The following ANKRD30A variants were observed in gnomAD, a reference collection of about 807,000 sequenced individuals.
ANKRD30A encodes ankyrin repeat domain 30A.
A neutral mutation model predicts 166.3 loss-of-function variants in ANKRD30A; 170 were observed. The ratio of observed to expected loss-of-function variants is 1.02; its 90% CI spans 0.90 to 1.16. The LOEUF is 1.16. Ranked by LOEUF, ANKRD30A falls within the 50% of genes most tolerant of loss-of-function variation. ANKRD30A has a pLI of 0.00. For synonymous variants in ANKRD30A, 564 were observed against 508.9 expected, an observed-to-expected ratio of 1.11 and a Z score of -1.46; for missense variants, 1,630 against 1,518.0, an observed-to-expected ratio of 1.07 and a Z score of -1.23.
Position 37,166,343 on chromosome 10 carries a change from T to G in ANKRD30A, c.2065-262T>G, listed in dbSNP as rs549588250. ...CTTTTTGAAATATGCACGAGTGAAT[T>G]TTTTTGTGAAGGTGATTTGTTTTTC... is the stretch of plus-strand genomic sequence containing the variant. On this transcript the variant is annotated intron_variant, in intron 18 of 35. Coordinates refer to ENST00000361713, the MANE Select transcript of ANKRD30A (RefSeq NM_052997.3). 2.3e-4 allele frequency among the ~76,000 whole-genome samples: 35 copies of G among 152,336 alleles called. No individual in the cohort carries two copies. The East Asian group carries it at 6.0e-3, about 26-fold the overall frequency.
In ANKRD30A at chr10:37,193,224, C is replaced by T; in HGVS notation, c.2580C>T (p.Ala860=). 6.2e-7 allele frequency: 1 copy of T among 1,611,676 alleles called. No individual in the cohort carries two copies. Among genetic ancestry groups the T allele is most frequent in the Non-Finnish European group, 8.5e-7 (1 of 1,179,306 alleles). ...CRMKVSIPTK[A]LELMDMQTFK... ...TGAAAGTTTCTATTCCAACTAAAGC[C>T]TTAGAATTGATGGACATGCAAACTT... The change falls in exon 27 of 36, where the codon GCC becomes GCT. Residue 860 remains alanine, a synonymous_variant. Coordinates refer to ENST00000361713, the MANE Select transcript of ANKRD30A (RefSeq NM_052997.3).
At chr10:37,218,019 A>G in intron 33 of ANKRD30A, 141 bp downstream of exon 33, 3 of 529,156 alleles carry the variant, frequency 5.7e-6, no homozygotes, top group Non-Finnish European at 9.3e-6. Flanking sequence ...TCACATTTGT[A>G]GCTACAGTTA....
At chr10:37,227,519 T>C (rs914456174) in intron 34 of ANKRD30A, among the ~76,000 whole-genome samples, 16 of 152,000 alleles carry the variant, frequency 1.1e-4, no homozygotes, top group African/African-American at 3.4e-4. Flanking sequence ...CAAATCAACT[T>C]ATATGAGAAC....
At chr10:37,219,964 T>TTGGCTAAA (rs1172948471) in intron 34 of ANKRD30A, 67 bp downstream of exon 34, 2 of 1,168,570 alleles carry the variant, frequency 1.7e-6, no homozygotes, top group East Asian at 3.3e-5. Context: ...ATATTTGGCC[T>TTGGCTAAA]TGGCTAAATG....
At chr10:37,204,822 T>G (rs1414469150) in intron 31 of ANKRD30A, among the ~76,000 whole-genome samples, 1 of 152,182 alleles carries the variant, frequency 6.6e-6, no homozygotes, top group African/African-American at 2.4e-5. Flanking sequence ...AGAAGATATT[T>G]ATGCAGACAA....
intron 15 of ANKRD30A, among the ~76,000 whole-genome samples, chr10:37,159,719 T>C (rs1328388023): frequency 3.3e-5 from 5 of 152,150 alleles, no homozygotes; most frequent in East Asian, 1.9e-4. Flanking sequence ...TGTTTTGTTT[T>C]TGTTTTTTTG....
intron 34 of ANKRD30A, among the ~76,000 whole-genome samples, chr10:37,224,491 T>G (rs1268834674): frequency 6.6e-6 from 1 of 150,532 alleles, no homozygotes; most frequent in African/African-American, 2.4e-5. Flanking sequence ...TATACACATA[T>G]ATTATATGTA....
chr10:37,234,434 A>G (rs1843583914), downstream of ANKRD30A, among the ~76,000 whole-genome samples: 1 of 152,216 alleles, frequency 6.6e-6, no homozygotes, highest in Non-Finnish European at 1.5e-5. Flanking sequence ...CATTAATGAA[A>G]GATAAGACTT....
chr10:37,253,743 C>A, the ANKRD30A span, among the ~76,000 whole-genome samples: 1 of 151,064 alleles, frequency 6.6e-6, no homozygotes, highest in Admixed American at 6.6e-5. Flanking sequence ...CACCTCCGGG[C>A]TTCACGCCAT....
At chr10:37,213,556 C>CTTTT (rs397965588) in intron 31 of ANKRD30A, among the ~76,000 whole-genome samples, 1 of 132,560 alleles carries the variant, frequency 7.5e-6, no homozygotes, top group African/African-American at 2.8e-5. Flanking sequence ...TCTTCTTCTT[C>CTTTT]TTTTTTTTTT....
chr10:37,193,448 A>C (rs1411674815), intron 27 of ANKRD30A, among the ~76,000 whole-genome samples, 190 bp downstream of exon 27: 1 of 152,018 alleles, frequency 6.6e-6, no homozygotes, highest in South Asian at 2.1e-4. Flanking sequence ...AGAGATTTAG[A>C]AAAAAAATTC....
At chr10:37,126,404 G>A (rs1472451750) in intron 1 of ANKRD30A, among the ~76,000 whole-genome samples, 1 of 152,196 alleles carries the variant, frequency 6.6e-6, no homozygotes, top group Admixed American at 6.5e-5. Flanking sequence ...GAAATGGTGC[G>A]TAATGAAATA....
At position 37,199,808 on chromosome 10, in the gene ANKRD30A, T is replaced by C. The variant is rs1841476715; in HGVS notation, c.2778+20T>C. 7.0e-7 allele frequency: 1 copy of C among 1,432,360 alleles called. No homozygotes were observed. Among genetic ancestry groups the C allele is most frequent in the African/African-American group, 1.4e-5 (1 of 69,692 alleles). 88.7% of individuals were successfully genotyped at this position (1,432,360 alleles called of 1,614,324 possible). On this transcript the variant is annotated intron_variant, in intron 30 of 35. Coordinates refer to ENST00000361713, the MANE Select transcript of ANKRD30A (RefSeq NM_052997.3). Reference sequence around the variant, plus strand: ...TCTGAGGTACTATGTGTTATTGATTTTTTTAAATATTAGTATTGCATGATA... The same window carrying C: ...TCTGAGGTACTATGTGTTATTGATTCTTTTAAATATTAGTATTGCATGATA...
intron 35 of ANKRD30A, 23 bp from the exon 36 acceptor site, chr10:37,232,476 G>A (rs1221785688): frequency 6.7e-6 from 1 of 150,164 alleles, no homozygotes; most frequent in African/African-American, 2.4e-5. Flanking sequence ...CCACACATAA[G>A]CCATTATCTT....
chr10:37,231,381 T>G, intron 34 of ANKRD30A, 80 bp from the exon 35 acceptor site: 2 of 1,250,866 alleles, frequency 1.6e-6, no homozygotes, highest in South Asian at 3.1e-5. Flanking sequence ...TAGAAGGGTT[T>G]TCTTTTTAAA....
chr10:37,165,230 T>A (rs1162366498), intron 18 of ANKRD30A, 75 bp downstream of exon 18: 2 of 1,384,742 alleles, frequency 1.4e-6, no homozygotes, highest in African/African-American at 1.4e-5. Context: ...GCTTAGTCTT[T>A]ATTTTCTCAC....
chr10:37,237,157 G>A (rs1843703340), downstream of ANKRD30A, among the ~76,000 whole-genome samples: 1 of 152,138 alleles, frequency 6.6e-6, no homozygotes, highest in South Asian at 2.1e-4. Context: ...TCCTAAATAT[G>A]GAGGAAATCA....
chr10:37,231,380 T>A (rs761652557), intron 34 of ANKRD30A, 81 bp from the exon 35 acceptor site: 23 of 1,242,894 alleles, frequency 1.9e-5, no homozygotes, highest in Non-Finnish European at 2.2e-5. Context: ...ATAGAAGGGT[T>A]TTCTTTTTAA....
chr10:37,137,724 G>A (rs1836812122), intron 6 of ANKRD30A, among the ~76,000 whole-genome samples: 1 of 152,190 alleles, frequency 6.6e-6, no homozygotes. Flanking sequence ...CAAAGAGGCT[G>A]GGAAGCTCGA....
Sources: gnomAD v4.1 joint callset for allele counts (sites outside exome capture counted in the v4.1 genomes callset) on GRCh38, gnomAD v4.1.1 for gene constraint, MANE v1.5 for transcripts, NCBI Gene and HGNC (gene_info 2026-07-23, HGNC 2026-07-21) for gene names.